Variants in SLC6A19 observed in about 807,000 individuals in gnomAD.
SLC6A19 encodes the protein solute carrier family 6 member 19.
Under a neutral mutation model 68.3 loss-of-function variants are expected in SLC6A19, and 67 were observed. That is an observed-to-expected ratio of 0.98 (90% CI 0.81 to 1.20). SLC6A19 has a LOEUF of 1.20. Among genes scored for constraint, SLC6A19 ranks in the 50% most tolerant of loss-of-function variants. SLC6A19 has a pLI of 0.00. For synonymous variants in SLC6A19, 392 were observed against 374.9 expected, an observed-to-expected ratio of 1.05 and a Z score of -0.53; for missense variants, 813 against 851.6, an observed-to-expected ratio of 0.95 and a Z score of 0.56.
chr5:1,213,152 C>T (rs1345868498), intron 4 of SLC6A19, among the ~76,000 whole-genome samples: 2 of 118,510 alleles, frequency 1.7e-5, no homozygotes, highest in Admixed American at 8.4e-5. Context: ...GTAGGCCTGG[C>T]CCCCCTCCGC....
rs141604151 is a variant in SLC6A19 at position 1,219,043 on chromosome 5, C to T, written c.1314C>T (p.Gly438=). The T allele has an allele frequency of 1.1e-4, 175 of 1,613,904 alleles. No individual in the cohort carries two copies. Among genetic ancestry groups the T allele is most frequent in the Non-Finnish European group, 1.5e-4 (173 of 1,180,012 alleles). ...CATCTATGTTTGGGAACATGGAGGG[C>T]GTCGTTGTGCCCCTGCAGGACCTCA... ...GLSSMFGNME[G]VVVPLQDLRV... is the part of the protein sequence containing the mutation. The change falls in exon 9 of 12, where the codon GGC becomes GGT. Residue 438 remains glycine (G), a synonymous_variant. Transcript: ENST00000304460.
rs1189400906 is a variant in SLC6A19, at chr5:1,209,796, GTC to G, written c.344-642_344-641del. Among the ~76,000 whole-genome samples the G allele has an allele frequency of 6.7e-6, 1 of 149,886 alleles. No homozygotes were observed. Among genetic ancestry groups the G allele is most frequent in the Non-Finnish European group, 1.5e-5 (1 of 67,700 alleles). On this transcript the variant is annotated intron_variant, in intron 2 of 11. Coordinates refer to ENST00000304460, the MANE Select transcript of SLC6A19 (RefSeq NM_001003841.3). The surrounding 1 kb of genome is among the most constrained non-coding windows in gnomAD (Gnocchi z 5.5). ...TTCCCCTATCTCCGTCTCTCCCCCT[GTC>G]TCTCTTCCCCATCTCACACTCACAT...
At position 1,212,148 on chromosome 5, in the gene SLC6A19, G is replaced by T. The variant is rs181102321; in HGVS notation, c.482-155G>T. 6.6e-6 allele frequency among the ~76,000 whole-genome samples: 1 copy of T among 152,242 alleles called. No homozygotes were observed. Among genetic ancestry groups the T allele is most frequent in the Non-Finnish European group, 1.5e-5 (1 of 68,000 alleles). On this transcript the variant is annotated intron_variant, in intron 3 of 11. Coordinates refer to ENST00000304460, the MANE Select transcript of SLC6A19 (RefSeq NM_001003841.3). The surrounding 1 kb of genome is among the most constrained non-coding windows in gnomAD (Gnocchi z 5.1). ...TGTGCGTGCATGCATGTGCGTGCAC[G>T]TGAGCATGTGTGCCTGTGTTCATGT...
Position 1,201,863 on chromosome 5 carries a change from C to G in SLC6A19, c.202+11C>G. ...AGAGCCACGGAGGAGGTAGGCTGGC[C>G]GGGCGGGGCTGCGGGCGAGGCCGTG... On this transcript the variant is annotated intron_variant, in intron 1 of 11. Transcript: ENST00000304460. 6.2e-7 allele frequency: 1 copy of G among 1,606,734 alleles called. No homozygotes were observed. The highest frequency in any genetic ancestry group is 8.5e-7 in the Non-Finnish European group (1 of 1,178,836).
Position 1,212,707 on chromosome 5 carries a change from G to A in SLC6A19, c.663+223G>A, listed in dbSNP as rs1247290481. Among the ~76,000 whole-genome samples, 1 of 152,026 alleles carries A rather than the reference G, an allele frequency of 6.6e-6. No homozygotes were observed. Among genetic ancestry groups the A allele is most frequent in the Non-Finnish European group, 1.5e-5 (1 of 67,980 alleles). On this transcript the variant is annotated intron_variant, in intron 4 of 11. Transcript: ENST00000304460. This position sits in a 1 kb window ranked among gnomAD's most constrained non-coding sequence, Gnocchi z 5.1. ...GAAATGACCAGACTTGGGGCTCCAG[G>A]AACTTGACGTTGGCCCACACGACAC...
intron 1 of SLC6A19, among the ~76,000 whole-genome samples, chr5:1,208,174 C>G (rs931097936): frequency 2.0e-5 from 3 of 152,112 alleles, no homozygotes; most frequent in African/African-American, 7.2e-5. Flanking sequence ...TCTTAAGAAC[C>G]AAAACGGTCC....
chr5:1,219,499 C>T lies in SLC6A19; in HGVS notation c.1379-6C>T. 1.2e-6 allele frequency: 2 copies of T among 1,610,632 alleles called. No individual in the cohort carries two copies. The highest frequency in any genetic ancestry group is 1.7e-6 in the Non-Finnish European group (2 of 1,179,982). Reference sequence around the variant, plus strand: ...CGTGTGAGCAGCTCTGTCCCCCGGCCTGCAGGCCTCATCTGCCTGGGGACA... The same window carrying T: ...CGTGTGAGCAGCTCTGTCCCCCGGCTTGCAGGCCTCATCTGCCTGGGGACA... On this transcript the variant is annotated splice_region_variant and splice_polypyrimidine_tract_variant and intron_variant, in intron 9 of 11. Coordinates refer to ENST00000304460, the MANE Select transcript of SLC6A19 (RefSeq NM_001003841.3).
intron 1 of SLC6A19, among the ~76,000 whole-genome samples, chr5:1,206,733 C>T (rs1745864099): frequency 6.6e-6 from 1 of 152,120 alleles, no homozygotes; most frequent in Admixed American, 6.5e-5. Context: ...GCCCCAGGGA[C>T]ACGCAGCGTG....
chr5:1,201,982 G>T, intron 1 of SLC6A19, 130 bp downstream of exon 1: 1 of 1,272,080 alleles, frequency 7.9e-7, no homozygotes, highest in Non-Finnish European at 1.1e-6. Flanking sequence ...AGAAGCCGCA[G>T]GGTGTGGGGG....
chr5:1,218,728 A>G (rs1213144125), intron 8 of SLC6A19, among the ~76,000 whole-genome samples, 175 bp from the exon 9 acceptor site: 1 of 152,186 alleles, frequency 6.6e-6, no homozygotes, highest in Non-Finnish European at 1.5e-5. Context: ...CCTGATGCAT[A>G]GTTCGGCTTT....
At position 1,222,150 on chromosome 5, in the gene SLC6A19, T is replaced by A; in HGVS notation, c.*246T>A. 1 of 602,540 alleles carries A rather than the reference T, an allele frequency of 1.7e-6. No homozygotes were observed. The highest frequency in any genetic ancestry group is 2.8e-5 in the East Asian group (1 of 36,308). The allele number at this position is 602,540 out of a possible 1,614,324, so 37.3% of individuals were successfully genotyped here. A position where few individuals can be genotyped will look rare whatever the true frequency, so the allele number is the denominator to read the frequency against. On this transcript the variant is annotated 3_prime_UTR_variant, in exon 12 of 12. Coordinates refer to ENST00000304460, the MANE Select transcript of SLC6A19 (RefSeq NM_001003841.3). Reference sequence around the variant, plus strand: ...ATATACATGTGTGTGGGTGTGTGTATTGTATGTGCATGTGCCATGTGTGCA... The same window carrying A: ...ATATACATGTGTGTGGGTGTGTGTAATGTATGTGCATGTGCCATGTGTGCA...
rs4975542 is a variant in SLC6A19, at chr5:1,222,365, C to G, written c.*461C>G. On this transcript the variant is annotated 3_prime_UTR_variant, in exon 12 of 12. Transcript: ENST00000304460. ...GTGTATACATGCATGCACATGTGCT[C>G]GTACAATGGGTGTCCACATGCACGT... 2 of 457,386 alleles carry G rather than the reference C, an allele frequency of 4.4e-6. No homozygotes were observed. The allele number at this position is 457,386 out of a possible 1,614,324, so 28.3% of individuals were successfully genotyped here.
chr5:1,213,491 A>AT lies in SLC6A19; in HGVS notation c.693dup (p.Val232CysfsTer121). The AT allele has an allele frequency of 6.3e-7, 1 of 1,599,284 alleles. No homozygotes were observed. The highest frequency in any genetic ancestry group is 8.5e-7 in the Non-Finnish European group (1 of 1,175,404). On this transcript the variant is annotated frameshift_variant, in exon 5 of 12. Coordinates refer to ENST00000304460, the MANE Select transcript of SLC6A19 (RefSeq NM_001003841.3). LOFTEE classifies it high-confidence loss of function. ...GTGTACATCACCTCCACGCTGCCCT[A>AT]TGTCGTCCTGACCATCTTCCTCATC...
At position 1,212,973 on chromosome 5, in the gene SLC6A19, G is replaced by A. The variant is rs571103674; in HGVS notation, c.663+489G>A. The stretch of plus-strand genomic sequence containing the variant: ...CCCACATGCCCCCCACCACAAGCAC[G>A]GCCCCCCTCCGCACCATCCCAAATA... On this transcript the variant is annotated intron_variant, in intron 4 of 11. Coordinates refer to ENST00000304460, the MANE Select transcript of SLC6A19 (RefSeq NM_001003841.3). This position sits in a 1 kb window ranked among gnomAD's most constrained non-coding sequence, Gnocchi z 5.1. Among the ~76,000 whole-genome samples, 25 of 66,146 alleles carry A rather than the reference G, an allele frequency of 3.8e-4. 1 individual carries two copies. The South Asian group carries it at 9.2e-3, about 24-fold the overall frequency. 43.4% of individuals were successfully genotyped at this position (66,146 alleles called of 152,430 possible).
At chr5:1,216,996 C>T (rs766970046) in intron 8 of SLC6A19, 51 bp downstream of exon 8, 2 of 1,609,754 alleles carry the variant, frequency 1.2e-6, no homozygotes, top group Non-Finnish European at 1.7e-6. Context: ...CTTGCTGGCA[C>T]CTCAGAGTCC....
Position 1,221,297 on chromosome 5 carries a change from T to G in SLC6A19, c.1685T>G (p.Ile562Ser). The G allele has an allele frequency of 6.2e-7, 1 of 1,613,782 alleles. No homozygotes were observed. The highest frequency in any genetic ancestry group is 8.5e-7 in the Non-Finnish European group (1 of 1,180,018). Residue 562 changes from isoleucine (I) to serine (S), a missense_variant, in exon 11 of 12, where the codon ATC (isoleucine) becomes AGC (serine). Physicochemically the swap from Ile to Ser is moderately radical, Grantham distance 142 (BLOSUM62 -2). Coordinates refer to ENST00000304460, the MANE Select transcript of SLC6A19 (RefSeq NM_001003841.3). Reference sequence around the variant, plus strand: ...GTCAGTCAGGAGCTGACCTACAGCATCTGGGACCCTGGCTACGTAAGTGTC... The same window carrying G: ...GTCAGTCAGGAGCTGACCTACAGCAGCTGGGACCCTGGCTACGTAAGTGTC... Reference protein sequence around the residue: ...VEVSQELTYSIWDPGYEEFPK... With the variant: ...VEVSQELTYSSWDPGYEEFPK...
At position 1,221,859 on chromosome 5, in the gene SLC6A19, G is replaced by A. The variant is rs765227327; in HGVS notation, c.1860G>A (p.Val620=). ...AGCCAGGGGACCATCAGGGGCTGGT[G>A]AGCACACTGTCCACAGCCTCCATGA... ...CQKPGDHQGL[V]STLSTASMNG... is the part of the protein sequence containing the mutation. The change falls in exon 12 of 12, where the codon GTG becomes GTA. Residue 620 remains valine (V), a synonymous_variant. Coordinates refer to ENST00000304460, the MANE Select transcript of SLC6A19 (RefSeq NM_001003841.3). The A allele has an allele frequency of 7.4e-6, 12 of 1,614,188 alleles. No individual in the cohort carries two copies. In the South Asian group the frequency reaches 8.8e-5, roughly 12 times the overall value.
intron 10 of SLC6A19, 123 bp downstream of exon 10, chr5:1,219,787 G>T (rs964722072): frequency 7.3e-7 from 1 of 1,370,238 alleles, no homozygotes. Flanking sequence ...TCGGGGCCTC[G>T]GCCGGCCACA....
intron 3 of SLC6A19, among the ~76,000 whole-genome samples, chr5:1,210,982 G>A (rs527720825): frequency 5.9e-5 from 9 of 152,326 alleles, no homozygotes; most frequent in East Asian, 1.9e-4. Context: ...TGTGGGGCCC[G>A]CATTGCCCTC....
Sources: gnomAD v4.1 joint callset for allele counts (sites outside exome capture counted in the v4.1 genomes callset) on GRCh38, gnomAD v4.1.1 for gene constraint, Gnocchi (gnomAD v3.1) non-coding constraint, MANE v1.5 for transcripts, NCBI Gene and HGNC (gene_info 2026-07-23, HGNC 2026-07-21) for gene names.